Variants in ATIC observed in about 807,000 individuals in gnomAD.
ATIC encodes the protein 5-aminoimidazole-4-carboxamide ribonucleotide formyltransferase/IMP cyclohydrolase.
ATIC carries 64 observed loss-of-function variants against 72.5 expected under a neutral mutation model. That is an observed-to-expected ratio of 0.88 (90% CI 0.72 to 1.09). ATIC has a LOEUF of 1.09. ATIC is among the 50% of genes least tolerant of loss of function. The pLI is 0.00. For synonymous variants in ATIC, 281 were observed against 267.1 expected (o/e 1.05, Z -0.51); for missense variants, 787 against 732.4 (o/e 1.07, Z -0.86).
chr2:215,315,427 G>C lies in ATIC; in HGVS notation c.147-2730G>C, dbSNP rs184223582. ...GCTGGAGTGCAGTGGCACAATCATG[G>C]CTAATTGCAGCCTCGATCTCCCAGG... On this transcript the variant is annotated intron_variant, in intron 2 of 15. Transcript: ENST00000236959. 2.9e-3 allele frequency among the ~76,000 whole-genome samples: 447 copies of C among 152,216 alleles called. 3 individuals are homozygous for C. Among genetic ancestry groups the C allele is most frequent in the African/African-American group, 0.01 (425 of 41,546 alleles).
At chr2:215,335,488 A>G (rs1050447412) in intron 10 of ATIC, among the ~76,000 whole-genome samples, 1 of 152,192 alleles carries the variant, frequency 6.6e-6, no homozygotes, top group South Asian at 2.1e-4. Flanking sequence ...AAAGGGGAAA[A>G]AAATAAGCAG....
At chr2:215,330,357 T>G (rs56834077) in intron 7 of ATIC, among the ~76,000 whole-genome samples, 5,251 of 152,284 alleles carry the variant, frequency 0.034, 291 homozygotes, top group African/African-American at 0.12. Context: ...AAAACGGGCT[T>G]TATTTTTTTA....
At chr2:215,319,021 T>C (rs1220081824) in intron 3 of ATIC, among the ~76,000 whole-genome samples, 1 of 151,860 alleles carries the variant, frequency 6.6e-6, no homozygotes, top group Non-Finnish European at 1.5e-5. Context: ...GCTGGGACTA[T>C]AGGCATGTGC....
chr2:215,344,952 G>T, intron 13 of ATIC, 81 bp downstream of exon 13: 1 of 1,409,154 alleles, frequency 7.1e-7, no homozygotes, highest in Non-Finnish European at 9.9e-7. Context: ...CTTAGATATT[G>T]GACAGCTTGA....
the ATIC span, chr2:215,365,029 A>C: frequency 1.6e-6 from 2 of 1,265,404 alleles, no homozygotes; most frequent in Non-Finnish European, 2.2e-6. Context: ...GCTGAGAACA[A>C]TACTGCAGAC....
chr2:215,335,612 C>G (rs946997674), intron 10 of ATIC, among the ~76,000 whole-genome samples: 1 of 152,136 alleles, frequency 6.6e-6, no homozygotes, highest in African/African-American at 2.4e-5. Context: ...ACATTTGTAT[C>G]TTTCGTCATG....
chr2:215,318,285 T>C (rs770253516), intron 3 of ATIC, 52 bp downstream of exon 3: 7 of 1,502,540 alleles, frequency 4.7e-6, no homozygotes, highest in Non-Finnish European at 5.6e-6. Flanking sequence ...TCCAGGAATA[T>C]TTTAGTTGAT....
the ATIC span, among the ~76,000 whole-genome samples, chr2:215,357,732 A>C: frequency 2.0e-5 from 3 of 152,198 alleles, no homozygotes; most frequent in African/African-American, 7.2e-5. Flanking sequence ...GTGCATTTCA[A>C]GTATTTTGAA....
At chr2:215,356,984 T>C in the ATIC span, among the ~76,000 whole-genome samples, 3 of 152,184 alleles carry the variant, frequency 2.0e-5, no homozygotes, top group Admixed American at 6.5e-5. Flanking sequence ...GGTAACTGTT[T>C]AACGTTTTGA....
downstream of ATIC, among the ~76,000 whole-genome samples, chr2:215,350,341 G>A (rs2106050315): frequency 6.6e-6 from 1 of 152,242 alleles, no homozygotes; most frequent in Admixed American, 6.5e-5. Flanking sequence ...CACCATGTTG[G>A]TCAGGCTGGT....
At chr2:215,366,131 TTTGG>T in the ATIC span, among the ~76,000 whole-genome samples, 1 of 152,178 alleles carries the variant, frequency 6.6e-6, no homozygotes, top group African/African-American at 2.4e-5. Flanking sequence ...GGGCCATTTC[TTTGG>T]TTGAATTTTA....
intron 2 of ATIC, among the ~76,000 whole-genome samples, chr2:215,314,864 A>G (rs2052692618): frequency 1.3e-5 from 2 of 152,206 alleles, no homozygotes; most frequent in Admixed American, 6.5e-5. Context: ...ATATTTTTAT[A>G]AGAGAAGACA....
chr2:215,326,738 T>A, intron 6 of ATIC, 84 bp from the exon 7 acceptor site: 2 of 1,526,184 alleles, frequency 1.3e-6, no homozygotes, highest in South Asian at 2.2e-5. Flanking sequence ...TGAGGAGATG[T>A]TGTTTGCTGT....
At chr2:215,348,134 T>G (rs923376730) in intron 14 of ATIC, among the ~76,000 whole-genome samples, 2 of 152,208 alleles carry the variant, frequency 1.3e-5, no homozygotes, top group African/African-American at 4.8e-5. Flanking sequence ...TCTAAAGGCC[T>G]TATACTTCTT....
downstream of ATIC, among the ~76,000 whole-genome samples, chr2:215,352,155 ATCT>A (rs1254056552): frequency 5.9e-5 from 9 of 152,220 alleles, no homozygotes; most frequent in Non-Finnish European, 1.3e-4. Context: ...AACTAAGAAA[ATCT>A]AAAGTGTTTA....
At chr2:215,322,967 C>T (rs907347115) in intron 4 of ATIC, among the ~76,000 whole-genome samples, 2 of 151,808 alleles carry the variant, frequency 1.3e-5, no homozygotes, top group Non-Finnish European at 2.9e-5. Context: ...GTTTTTGAGA[C>T]GGAGTCTGGC....
the ATIC span, chr2:215,362,107 TGGG>T: frequency 3.9e-6 from 6 of 1,542,644 alleles, no homozygotes; most frequent in African/African-American, 8.1e-5. Flanking sequence ...TGAAGTCAAA[TGGG>T]GTTTATGATA....
At chr2:215,340,753 G>A (rs1434114249) in intron 12 of ATIC, among the ~76,000 whole-genome samples, 1 of 152,112 alleles carries the variant, frequency 6.6e-6, no homozygotes, top group East Asian at 1.9e-4. Context: ...ACTGCTGTAC[G>A]CTGAACTCGG....
chr2:215,314,781 C>T (rs572703356), intron 2 of ATIC, among the ~76,000 whole-genome samples: 58 of 152,078 alleles, frequency 3.8e-4, no homozygotes, highest in African/African-American at 1.1e-3. Context: ...TGTGAGCCAC[C>T]GCACCCGAGG....
Sources: gnomAD v4.1 joint callset for allele counts (sites outside exome capture counted in the v4.1 genomes callset) on GRCh38, gnomAD v4.1.1 for gene constraint, MANE v1.5 for transcripts, NCBI Gene and HGNC (gene_info 2026-07-23, HGNC 2026-07-21) for gene names.